Variants in CLPTM1L observed in about 807,000 individuals in gnomAD.
CLPTM1L encodes CLPTM1 like.
A neutral mutation model predicts 70.9 loss-of-function variants in CLPTM1L; 38 were observed. That is an observed-to-expected ratio of 0.54 (90% CI 0.41 to 0.70). CLPTM1L has a LOEUF of 0.70. Ranked by LOEUF, CLPTM1L falls within the 30% of genes least tolerant of loss-of-function variation. The pLI is 0.00. For missense variants in CLPTM1L, 652 were observed against 705.9 expected, an observed-to-expected ratio of 0.92 and a Z score of 0.87; for synonymous variants, 339 against 299.9, an observed-to-expected ratio of 1.13 and a Z score of -1.35.
At chr5:1,326,134 C>T (rs1340524088) in intron 9 of CLPTM1L, 5 of 368,458 alleles carry the variant, frequency 1.4e-5, no homozygotes, top group African/African-American at 2.0e-5. Flanking sequence ...GCCTGCCACT[C>T]GGGCAGCCCT....
intron 6 of CLPTM1L, 134 bp from the exon 7 acceptor site, chr5:1,334,517 T>C (rs541283435): frequency 1.6e-6 from 1 of 615,654 alleles, no homozygotes; most frequent in South Asian, 2.0e-5. Flanking sequence ...ACTTTGGGAA[T>C]CTCAGGCAGG....
intron 5 of CLPTM1L, among the ~76,000 whole-genome samples, chr5:1,337,548 T>C (rs1215496660): frequency 1.3e-5 from 2 of 152,238 alleles, no homozygotes; most frequent in Non-Finnish European, 2.9e-5. Flanking sequence ...TGTGAATTAA[T>C]CTACATGGCA....
intron 5 of CLPTM1L, among the ~76,000 whole-genome samples, chr5:1,337,167 A>T (rs1753625483): frequency 1.3e-5 from 2 of 152,058 alleles, no homozygotes; most frequent in South Asian, 4.2e-4. Flanking sequence ...ACCCCAAATA[A>T]CCTCATCCGT....
At position 1,318,586 on chromosome 5, in the gene CLPTM1L, T is replaced by G; in HGVS notation, c.1533-133A>C. ...GCAAATTAACTAAAAAGTCGAATCC[T>G]CAGAAGTTTTACTGCCGAGGGCTGA... On this transcript the variant is annotated intron_variant, in intron 16 of 16. Coordinates refer to ENST00000320895, the MANE Select transcript of CLPTM1L (RefSeq NM_030782.5). This position sits in a 1 kb window ranked among gnomAD's most constrained non-coding sequence, Gnocchi z 8.9. 1 of 717,920 alleles carries G rather than the reference T, an allele frequency of 1.4e-6. No individual in the cohort carries two copies. Among genetic ancestry groups the G allele is most frequent in the Non-Finnish European group, 2.4e-6 (1 of 422,596 alleles). The allele number at this position is 717,920 out of a possible 1,614,324, so 44.5% of individuals were successfully genotyped here.
At chr5:1,334,214 A>G in intron 7 of CLPTM1L, 75 bp downstream of exon 7, 2 of 1,077,178 alleles carry the variant, frequency 1.9e-6, no homozygotes, top group Non-Finnish European at 1.4e-6. Context: ...CCCCAGGTCC[A>G]GGACCCCTGC....
Position 1,324,832 on chromosome 5 carries a change from C to T in CLPTM1L, c.1147-19G>A, listed in dbSNP as rs1402972301. ...TGCCAAACTGTTGTGAAATTCAACA[C>T]AGTGATATTAATAGACTCAGGGAGG... On this transcript the variant is annotated intron_variant, in intron 10 of 16. Transcript: ENST00000320895. 2.5e-6 allele frequency: 4 copies of T among 1,610,680 alleles called. No homozygotes were observed. The Admixed American group carries it at 5.0e-5, about 20-fold the overall frequency.
rs201704960 is a variant in CLPTM1L at position 1,341,836 on chromosome 5, C to A, written c.288G>T (p.Lys96Asn). ...FERTVNVSVP[K>N]KTRNNGTLYA... ...ACAGCGTCCCATTGTTTCTCGTTTT[C>A]TTTGGTACAGAAACATTAACTGTCC... Residue 96 changes from lysine (K) to asparagine (N), a missense_variant, in exon 3 of 17, where the codon AAG (lysine) becomes AAT (asparagine). Transcript: ENST00000320895. The A allele has an allele frequency of 2.0e-5, 33 of 1,613,518 alleles. No homozygotes were observed. The highest frequency in any genetic ancestry group is 2.8e-5 in the Non-Finnish European group (33 of 1,179,654).
chr5:1,329,305 A>G (rs1489560697), intron 9 of CLPTM1L, among the ~76,000 whole-genome samples: 1 of 152,236 alleles, frequency 6.6e-6, no homozygotes, highest in Non-Finnish European at 1.5e-5. Flanking sequence ...CTGTGCTCAG[A>G]TCTCCAGCCA....
In CLPTM1L at chr5:1,341,787, C is replaced by T. The variant is rs369494851; in HGVS notation, c.337G>A (p.Ala113Thr). Reference protein sequence around the residue: ...TLYAYIFLHHAGVLPWHDGKQ... With the variant: ...TLYAYIFLHHTGVLPWHDGKQ... ...CCGTCGTGCCACGGCAGGACCCCAG[C>T]GTGATGGAGGAAGATGTAGGCATAC... is the stretch of plus-strand genomic sequence containing the variant. Residue 113 changes from alanine (A) to threonine (T), a missense_variant, in exon 3 of 17, where the codon GCT becomes ACT. Physicochemically the swap from Ala to Thr is moderately conservative, Grantham distance 58. This residue lies in a region of CLPTM1L where 402 missense variants were observed against 388.2 expected (regional missense o/e 1.04). Coordinates refer to ENST00000320895, the MANE Select transcript of CLPTM1L (RefSeq NM_030782.5). 6.2e-6 allele frequency: 10 copies of T among 1,614,016 alleles called. No individual in the cohort carries two copies. The East Asian group carries it at 1.1e-4, about 18-fold the overall frequency.
Position 1,342,228 on chromosome 5 carries a change from C to T in CLPTM1L, c.264-368G>A, listed in dbSNP as rs1753995837. On this transcript the variant is annotated intron_variant, in intron 2 of 16. Coordinates refer to ENST00000320895, the MANE Select transcript of CLPTM1L (RefSeq NM_030782.5). This position sits in a 1 kb window ranked among gnomAD's most constrained non-coding sequence, Gnocchi z 4.3. ...GCCTGGCCAGGGTACCAGCTGACCA[C>T]ACACACTGAATCACCCAACTCCGAA... 6.6e-6 allele frequency among the ~76,000 whole-genome samples: 1 copy of T among 152,188 alleles called. No individual in the cohort carries two copies. The highest frequency in any genetic ancestry group is 1.5e-5 in the Non-Finnish European group (1 of 68,040).
intron 8 of CLPTM1L, chr5:1,330,651 C>G (rs563762712): frequency 7.0e-5 from 34 of 484,842 alleles, no homozygotes; most frequent in Non-Finnish European, 1.1e-4. Context: ...GAGCATGGAA[C>G]GTGGGCAGAG....
chr5:1,344,985 C>A lies in CLPTM1L; in HGVS notation c.-144G>T. ...CGCCACCGCCGCGGGGGAACGAATG[C>A]GCCGCGCGCCGCAGACCGCCGGCCG... On this transcript the variant is annotated 5_prime_UTR_variant, in exon 1 of 17. Coordinates refer to ENST00000320895, the MANE Select transcript of CLPTM1L (RefSeq NM_030782.5). 3.2e-6 allele frequency: 1 copy of A among 314,246 alleles called. No homozygotes were observed. Among genetic ancestry groups the A allele is most frequent in the Non-Finnish European group, 4.6e-6 (1 of 218,118 alleles). 19.5% of individuals were successfully genotyped at this position (314,246 alleles called of 1,614,324 possible).
At chr5:1,325,616 G>C in intron 10 of CLPTM1L, 135 bp downstream of exon 10, 1 of 719,650 alleles carries the variant, frequency 1.4e-6, no homozygotes, top group African/African-American at 1.8e-5. Context: ...AACCAGTGCT[G>C]CCTCCACCAC....
intron 7 of CLPTM1L, among the ~76,000 whole-genome samples, chr5:1,333,966 C>G (rs115871045): frequency 0.017 from 2,652 of 152,208 alleles, 38 homozygotes; most frequent in Non-Finnish European, 0.024. Flanking sequence ...GATGCCTGCA[C>G]CTATTCATCT....
Position 1,334,291 on chromosome 5 carries a change from G to A in CLPTM1L, c.889C>T (p.His297Tyr), listed in dbSNP as rs1753407293. Residue 297 changes from histidine (H) to tyrosine (Y), a missense_variant and splice_region_variant, in exon 7 of 17, where the codon CAT becomes TAT. His to Tyr is a moderately conservative substitution (Grantham distance 83). Around this residue, in one of 3 missense-constraint regions of CLPTM1L, gnomAD observed 402 missense variants for 388.2 expected, o/e 1.04. Coordinates refer to ENST00000320895, the MANE Select transcript of CLPTM1L (RefSeq NM_030782.5). ...LALTFFVAAF[H>Y]LLFDFLAFKN... ...AAGCCCCCCGGTGGATGACTCACAT[G>A]GAACGCTGCGACAAAGAAGGTCAGC... The A allele has an allele frequency of 1.2e-6, 2 of 1,612,844 alleles. No homozygotes were observed. The highest frequency in any genetic ancestry group is 2.7e-5 in the African/African-American group (2 of 74,864).
intron 12 of CLPTM1L, 90 bp downstream of exon 12, chr5:1,323,697 G>T: frequency 9.1e-7 from 1 of 1,099,756 alleles, no homozygotes. Context: ...CCCCGAGTTT[G>T]CCCTCCAGTC....
In CLPTM1L at chr5:1,318,274, C is replaced by G. The variant is rs1751946736; in HGVS notation, c.*95G>C. Reference sequence around the variant, plus strand: ...AATGTCCGAAGGGATTTTGGCAACACAGAAAACGCAATGTCTAGGAATTCC... The same window carrying G: ...AATGTCCGAAGGGATTTTGGCAACAGAGAAAACGCAATGTCTAGGAATTCC... On this transcript the variant is annotated 3_prime_UTR_variant, in exon 17 of 17. Coordinates refer to ENST00000320895, the MANE Select transcript of CLPTM1L (RefSeq NM_030782.5). This position sits in a 1 kb window ranked among gnomAD's most constrained non-coding sequence, Gnocchi z 8.9. The G allele has an allele frequency of 2.0e-6, 2 of 1,025,004 alleles. No individual in the cohort carries two copies. Among genetic ancestry groups the G allele is most frequent in the African/African-American group, 3.2e-5 (2 of 63,462 alleles). The allele number at this position is 1,025,004 out of a possible 1,614,324, so 63.5% of individuals were successfully genotyped here. A position where few individuals can be genotyped will look rare whatever the true frequency, so the allele number is the denominator to read the frequency against.
intron 11 of CLPTM1L, 31 bp downstream of exon 11, chr5:1,324,732 A>G (rs1752408717): frequency 6.2e-7 from 1 of 1,605,350 alleles, no homozygotes; most frequent in Non-Finnish European, 8.5e-7. Context: ...TTTGCCTGGC[A>G]TGCACGTGCC....
At chr5:1,329,011 C>A (rs940198380) in intron 9 of CLPTM1L, among the ~76,000 whole-genome samples, 1 of 152,188 alleles carries the variant, frequency 6.6e-6, no homozygotes, top group South Asian at 2.1e-4. Flanking sequence ...GCATCCAGCT[C>A]CTCCTCTACA....
Sources: allele counts gnomAD v4.1 joint callset (sites outside exome capture counted in the v4.1 genomes callset), GRCh38; gene constraint gnomAD v4.1.1; regional missense constraint gnomAD v4.1.1; non-coding constraint Gnocchi (gnomAD v3.1); transcripts MANE v1.5; gene names NCBI Gene and HGNC (gene_info 2026-07-23, HGNC 2026-07-21).